The following DMD variants were observed in gnomAD, a reference collection of about 807,000 sequenced individuals.
DMD encodes the protein mutant dystrophin.
DMD carries 63 observed loss-of-function variants against 330.1 expected under a neutral mutation model. That is an observed-to-expected ratio of 0.19 (90% confidence interval 0.16 to 0.24). The LOEUF is 0.24. Ranked by LOEUF, DMD falls within the 10% of genes least tolerant of loss-of-function variation. The probability of loss-of-function intolerance (pLI) is 1.00; values close to 1 mark genes in which losing one functional copy is unlikely to be tolerated. For missense variants in DMD, 3,344 were observed against 2,684.1 expected, an observed-to-expected ratio of 1.25 and a Z score of -5.43; for synonymous variants, 1,223 against 959.8, an observed-to-expected ratio of 1.27 and a Z score of -5.07.
chrX:32,938,041 C>T (rs1366034275), intron 2 of DMD, among the ~76,000 whole-genome samples: 1 of 111,255 alleles, frequency 9.0e-6, no homozygotes, highest in Non-Finnish European at 1.9e-5. Context: ...TTACAGACCA[C>T]TTAAGTCAGA....
chrX:31,578,464 G>A, intron 55 of DMD, among the ~76,000 whole-genome samples: 2 of 111,987 alleles, frequency 1.8e-5, no homozygotes, highest in East Asian at 5.6e-4. Flanking sequence ...AAGAGTTTAG[G>A]AGTATCCAAA....
intron 43 of DMD, among the ~76,000 whole-genome samples, chrX:32,220,357 T>A (rs2097128123): frequency 8.9e-6 from 1 of 111,776 alleles, no homozygotes; most frequent in African/African-American, 3.2e-5. Flanking sequence ...AACTGTAAAG[T>A]TGATTTAATT....
At chrX:32,105,156 A>G (rs1010699999) in intron 44 of DMD, among the ~76,000 whole-genome samples, 4 of 111,915 alleles carry the variant, frequency 3.6e-5, no homozygotes, top group African/African-American at 1.3e-4. Flanking sequence ...ACCTTTCATC[A>G]TAACAACCAA....
rs746171715 is a variant in DMD, at chrX:32,964,375, T to G, written c.93+55764A>C. Among the ~76,000 whole-genome samples, 187 of 110,794 alleles carry G rather than the reference T, an allele frequency of 1.7e-3. No homozygotes were observed. The Middle Eastern group carries it at 0.019, about 11-fold the overall frequency. On this transcript the variant is annotated intron_variant, in intron 2 of 78. Transcript: ENST00000357033. Reference sequence around the variant, plus strand: ...GAAGCATTTACTCTGCTTTGCTTTGTATCAATTATACTATGAGGCAACCAA... The same window carrying G: ...GAAGCATTTACTCTGCTTTGCTTTGGATCAATTATACTATGAGGCAACCAA...
chrX:31,889,337 G>C (rs933692283), intron 47 of DMD, among the ~76,000 whole-genome samples: 7 of 110,933 alleles, frequency 6.3e-5, no homozygotes. Flanking sequence ...TGAGTACATG[G>C]ATAATATTTT....
chrX:32,380,542 T>C lies in DMD; in HGVS notation c.4813A>G (p.Ser1605Gly), dbSNP rs778702600. 1 of 1,210,854 alleles carries C rather than the reference T, an allele frequency of 8.3e-7. No individual in the cohort carries two copies. ...CAGGCAACTTCAGAATCCAAATTAC[T>C]AGGCATTCCTTCAACTGCTGATCTC... ...TKRSAVEGMPSNLDSEVAWGK... is the reference protein window; with the variant it reads ...TKRSAVEGMPGNLDSEVAWGK... Residue 1605 changes from serine (S) to glycine (G), a missense_variant, in exon 34 of 79, where the codon AGT becomes GGT. Ser to Gly is a moderately conservative substitution (Grantham distance 56). Coordinates refer to ENST00000357033, the MANE Select transcript of DMD (RefSeq NM_004006.3).
chrX:33,126,337 C>G (rs948630438), intron 1 of DMD, among the ~76,000 whole-genome samples: 1 of 111,867 alleles, frequency 8.9e-6, no homozygotes, highest in Non-Finnish European at 1.9e-5. Context: ...ATTTTCTGCT[C>G]TTTGTATTAG....
intron 7 of DMD, among the ~76,000 whole-genome samples, chrX:32,725,753 A>G (rs747786161): frequency 9.0e-6 from 1 of 110,599 alleles, no homozygotes; most frequent in African/African-American, 3.3e-5. Context: ...CCTTAGAAAG[A>G]ATAAAACATA....
At chrX:31,556,565 T>C (rs1168524414) in intron 55 of DMD, among the ~76,000 whole-genome samples, 1 of 108,328 alleles carries the variant, frequency 9.2e-6, no homozygotes, top group Non-Finnish European at 1.9e-5. Flanking sequence ...CTGAAATGAT[T>C]TGTGAGGCCA....
chrX:31,784,160 C>T (rs1338619051), intron 50 of DMD, among the ~76,000 whole-genome samples: 5 of 111,976 alleles, frequency 4.5e-5, no homozygotes, highest in African/African-American at 1.6e-4. Context: ...AACAATTAAC[C>T]TGATTTTAAA....
intron 44 of DMD, among the ~76,000 whole-genome samples, chrX:32,113,890 A>C (rs1333653981): frequency 9.0e-6 from 1 of 111,662 alleles, no homozygotes; most frequent in African/African-American, 3.3e-5. Context: ...CCTAAATCCA[A>C]ATAAAACAAT....
Position 32,670,222 on chromosome X carries a change from A to G in DMD, c.961-25070T>C, listed in dbSNP as rs139157657. Among the ~76,000 whole-genome samples the G allele has an allele frequency of 6.9e-3, 770 of 111,913 alleles. 6 individuals are homozygous for G. The highest frequency in any genetic ancestry group is 0.023 in the African/African-American group (711 of 30,844). On this transcript the variant is annotated intron_variant, in intron 9 of 78. Transcript: ENST00000357033. ...AGTGTCTGTCTCCTCTCTAGTGCAT[A>G]AAGAACCTGAGGACAAGTCAAGTAA...
chrX:32,201,296 G>T (rs1439314407), intron 44 of DMD, among the ~76,000 whole-genome samples: 1 of 111,537 alleles, frequency 9.0e-6, no homozygotes, highest in Non-Finnish European at 1.9e-5. Context: ...ATATCTTATT[G>T]TATTGTAGTC....
intron 12 of DMD, among the ~76,000 whole-genome samples, chrX:32,607,973 T>C (rs1041211146): frequency 9.1e-5 from 10 of 109,670 alleles, no homozygotes; most frequent in Admixed American, 8.8e-4. Flanking sequence ...CATGAGGAAG[T>C]ATTACAAGAG....
At chrX:32,647,039 G>A (rs550992767) in intron 9 of DMD, among the ~76,000 whole-genome samples, 2 of 111,096 alleles carry the variant, frequency 1.8e-5, no homozygotes, top group African/African-American at 6.5e-5. Flanking sequence ...CAGCATTAAG[G>A]GGGAAAATGA....
chrX:33,280,014 AT>A (rs79518917), intron 1 of DMD, among the ~76,000 whole-genome samples: 30,441 of 71,598 alleles, frequency 0.43, 5,334 homozygotes, highest in East Asian at 0.85. Flanking sequence ...CTCGTATTTC[AT>A]TTTTTTCTTT....
At chrX:32,329,531 A>C (rs1432172873) in intron 41 of DMD, among the ~76,000 whole-genome samples, 2 of 112,215 alleles carry the variant, frequency 1.8e-5, no homozygotes, top group East Asian at 5.6e-4. Flanking sequence ...AGATCTCTTA[A>C]TTTTCCACAT....
chrX:33,265,184 T>C (rs1223325331), intron 1 of DMD, among the ~76,000 whole-genome samples: 1 of 110,217 alleles, frequency 9.1e-6, no homozygotes, highest in African/African-American at 3.3e-5. Flanking sequence ...ACTGTAGACT[T>C]GGCAAGTCTA....
chrX:31,711,707 T>A (rs1161171524), intron 52 of DMD, among the ~76,000 whole-genome samples: 1 of 110,948 alleles, frequency 9.0e-6, no homozygotes, highest in Non-Finnish European at 1.9e-5. Flanking sequence ...ACTTTAGTAT[T>A]AGGAAGACCC....
Sources: allele counts gnomAD v4.1 joint callset (sites outside exome capture counted in the v4.1 genomes callset), GRCh38; gene constraint gnomAD v4.1.1; transcripts MANE v1.5; gene names NCBI Gene and HGNC (gene_info 2026-07-23, HGNC 2026-07-21).